Variants in DCN observed in about 807,000 individuals in gnomAD.
DCN encodes decorin, also known as bone proteoglycan II.
A neutral mutation model predicts 36.5 loss-of-function variants in DCN; 17 were observed. That is an observed-to-expected ratio of 0.47 (90% confidence interval 0.32 to 0.70). The LOEUF is 0.70. Among genes scored for constraint, DCN ranks in the 30% least tolerant of loss-of-function variants. The pLI is 0.04. For synonymous variants in DCN, 163 were observed against 161.4 expected, an observed-to-expected ratio of 1.01 and a Z score of -0.07; for missense variants, 389 against 430.1, an observed-to-expected ratio of 0.90 and a Z score of 0.84.
At chr12:91,178,180 G>A (rs975539684) in intron 2 of DCN, among the ~76,000 whole-genome samples, 162 bp downstream of exon 2, 4 of 152,000 alleles carry the variant, frequency 2.6e-5, no homozygotes, top group Admixed American at 6.6e-5. Context: ...GAACAACAAC[G>A]CTACTTTTCT....
intron 1 of DCN, among the ~76,000 whole-genome samples, chr12:91,181,991 C>A (rs369567935): frequency 3.3e-4 from 50 of 151,918 alleles, no homozygotes; most frequent in African/African-American, 1.2e-3. Context: ...AGAAAATTAA[C>A]CCACATCCTC....
At chr12:91,181,016 G>A (rs888788322) in intron 1 of DCN, 4 of 152,014 alleles carry the variant, frequency 2.6e-5, no homozygotes, top group Admixed American at 2.0e-4. Flanking sequence ...ATTTATGTTT[G>A]TTTACTCCTG....
At chr12:91,158,983 G>A (rs1881984190) in intron 3 of DCN, among the ~76,000 whole-genome samples, 1 of 151,622 alleles carries the variant, frequency 6.6e-6, no homozygotes, top group Non-Finnish European at 1.5e-5. Context: ...GTTATAATAT[G>A]AGGACCTGAA....
chr12:91,173,249 A>G (rs1476955316), intron 2 of DCN, among the ~76,000 whole-genome samples: 1 of 152,084 alleles, frequency 6.6e-6, no homozygotes, highest in African/African-American at 2.4e-5. Context: ...TTCCCACCAT[A>G]TCCCCTGGAG....
Position 91,141,033 on chromosome 12 carries a change from C to T in DCN, c.*5025G>A, listed in dbSNP as rs73198632. 0.097 allele frequency: 14,709 copies of T among 152,210 alleles called. 939 individuals are homozygous for T. The highest frequency in any genetic ancestry group is 0.17 in the African/African-American group (7,203 of 41,484). The allele number at this position is 152,210 out of a possible 1,614,324, so 9.4% of individuals were successfully genotyped here. Reference sequence around the variant, plus strand: ...GGTCAAAGTCTTCATCATCTCTCACCTGATTATTGCACTAGCATCCGAAAT... The same window carrying T: ...GGTCAAAGTCTTCATCATCTCTCACTTGATTATTGCACTAGCATCCGAAAT... On this transcript the variant is annotated 3_prime_UTR_variant, in exon 8 of 8. Transcript: ENST00000052754.
At chr12:91,164,399 TCAAA>T (rs1882373853) in intron 3 of DCN, among the ~76,000 whole-genome samples, 1 of 21,866 alleles carries the variant, frequency 4.6e-5, no homozygotes, top group African/African-American at 2.4e-4. Flanking sequence ...GAAGCATAAT[TCAAA>T]AAAAAAAAAA....
At chr12:91,158,824 T>C (rs1451091938) in intron 3 of DCN, among the ~76,000 whole-genome samples, 4 of 151,570 alleles carry the variant, frequency 2.6e-5, no homozygotes, top group African/African-American at 9.7e-5. Flanking sequence ...TAGCTGGGCG[T>C]GGTGGTGGGT....
intron 2 of DCN, 138 bp downstream of exon 2, chr12:91,178,204 T>C (rs1883412322): frequency 1.3e-6 from 1 of 760,670 alleles, no homozygotes; most frequent in African/African-American, 1.7e-5. Context: ...TATCCTGTTC[T>C]GCTTCCTTTA....
In DCN at chr12:91,151,564, A is replaced by G. The variant is rs544435228; in HGVS notation, c.885+90T>C. 7.3e-6 allele frequency: 11 copies of G among 1,511,536 alleles called. No individual in the cohort carries two copies. The African/African-American group carries it at 1.4e-4, about 19-fold the overall frequency. The allele number at this position is 1,511,536 out of a possible 1,614,324, so 93.6% of individuals were successfully genotyped here. A position where few individuals can be genotyped will look rare whatever the true frequency, so the allele number is the denominator to read the frequency against. The stretch of plus-strand genomic sequence containing the variant: ...AGACACTCTGGAAAAAAAACTTCTA[A>G]GAAGAGCTTCCTGCTTCCCAGCATC... On this transcript the variant is annotated intron_variant, in intron 7 of 7. Transcript: ENST00000052754.
At chr12:91,164,055 TG>T (rs1882339283) in intron 3 of DCN, among the ~76,000 whole-genome samples, 1 of 152,156 alleles carries the variant, frequency 6.6e-6, no homozygotes, top group Non-Finnish European at 1.5e-5. Context: ...AAATTGTTAG[TG>T]GTTAATAAAT....
intron 2 of DCN, chr12:91,176,937 T>G (rs1303843897): frequency 1.3e-5 from 2 of 152,274 alleles, no homozygotes; most frequent in African/African-American, 4.8e-5. Context: ...CATCTCTAGA[T>G]GCTTATAAAA....
In DCN at chr12:91,178,336, A is replaced by C; in HGVS notation, c.211+6T>G. ...GGTAGGTAAAGAGAAACTGCATCCC[A>C]CTCACCCAAATCAGAACACTGGACC... On this transcript the variant is annotated splice_donor_region_variant and intron_variant, in intron 2 of 7. Coordinates refer to ENST00000052754, the MANE Select transcript of DCN (RefSeq NM_001920.5). 1 of 1,612,076 alleles carries C rather than the reference A, an allele frequency of 6.2e-7. No individual in the cohort carries two copies.
chr12:91,156,938 A>T, intron 5 of DCN, 137 bp downstream of exon 5: 1 of 650,068 alleles, frequency 1.5e-6, no homozygotes, highest in South Asian at 1.7e-5. Context: ...TGGATGAAAC[A>T]CTAGCAGTAA....
intron 2 of DCN, chr12:91,172,761 C>T (rs776851523): frequency 1.0e-5 from 7 of 699,658 alleles, no homozygotes; most frequent in East Asian, 2.7e-5. Context: ...TGCATATGTT[C>T]GTGTATTCAT....
At chr12:91,147,133 A>G (rs141362057) in intron 7 of DCN, among the ~76,000 whole-genome samples, 38 of 152,218 alleles carry the variant, frequency 2.5e-4, no homozygotes, top group Admixed American at 1.0e-3. Flanking sequence ...AAAGGGGCCT[A>G]CAAATCCTAC....
chr12:91,155,602 A>G (rs1881712479), intron 5 of DCN, among the ~76,000 whole-genome samples: 1 of 150,708 alleles, frequency 6.6e-6, no homozygotes, highest in Middle Eastern at 3.2e-3. Flanking sequence ...AATTTCAGCA[A>G]GAATTTTAAT....
chr12:91,142,763 G>A lies in DCN; in HGVS notation c.*3295C>T, dbSNP rs374763542. 1 of 152,144 alleles carries A rather than the reference G, an allele frequency of 6.6e-6. No homozygotes were observed. Among genetic ancestry groups the A allele is most frequent in the South Asian group, 2.1e-4 (1 of 4,814 alleles). The allele number at this position is 152,144 out of a possible 1,614,324, so 9.4% of individuals were successfully genotyped here. ...AACAGAGGCCTTTCCAACCAGGAGG[G>A]GTCAGAGACAAATTTTTAAGTTTCC... On this transcript the variant is annotated 3_prime_UTR_variant, in exon 8 of 8. Transcript: ENST00000052754.
intron 7 of DCN, 141 bp downstream of exon 7, chr12:91,151,513 G>T: frequency 1.2e-6 from 1 of 855,688 alleles, no homozygotes; most frequent in Non-Finnish European, 1.9e-6. Flanking sequence ...TTTTTTTATG[G>T]TATTTTGTCA....
chr12:91,142,686 A>AT lies in DCN; in HGVS notation c.*3371dup, dbSNP rs1188154744. The AT allele has an allele frequency of 1.3e-5, 2 of 152,232 alleles. No individual in the cohort carries two copies. Among genetic ancestry groups the AT allele is most frequent in the East Asian group, 3.9e-4 (2 of 5,190 alleles). The allele number at this position is 152,232 out of a possible 1,614,324, so 9.4% of individuals were successfully genotyped here. ...ATCTGTGTCACTTGAATAAACTAAG[A>AT]TGGCTGTACTGAAGACAGAAAGTGG... On this transcript the variant is annotated 3_prime_UTR_variant, in exon 8 of 8. Transcript: ENST00000052754.
Sources: allele counts gnomAD v4.1 joint callset (sites outside exome capture counted in the v4.1 genomes callset), GRCh38; gene constraint gnomAD v4.1.1; transcripts MANE v1.5; gene names NCBI Gene and HGNC (gene_info 2026-07-23, HGNC 2026-07-21).